Variants in KANK4 observed in about 807,000 individuals in gnomAD.
KANK4 encodes the protein KN motif and ankyrin repeat domain-containing protein 4.
A neutral mutation model predicts 80.8 loss-of-function variants in KANK4; 50 were observed. That is an observed-to-expected ratio of 0.62 (90% CI 0.49 to 0.78). The LOEUF is 0.78. KANK4 is among the 30% of genes least tolerant of loss of function. The probability of loss-of-function intolerance (pLI) is 0.00; values close to 1 mark genes in which losing one functional copy is unlikely to be tolerated. For synonymous variants in KANK4, 465 were observed against 506.9 expected (o/e 0.92, Z 1.11); for missense variants, 1,196 against 1,240.1 (o/e 0.96, Z 0.53).
intron 1 of KANK4, among the ~76,000 whole-genome samples, chr1:62,283,116 G>T (rs559356895): frequency 2.6e-5 from 4 of 152,190 alleles, no homozygotes; most frequent in Non-Finnish European, 5.9e-5. Context: ...TCTGCAGTCT[G>T]CAGCAGGCGA....
intron 3 of KANK4, chr1:62,272,289 G>A (rs1672181761): frequency 6.6e-6 from 1 of 152,424 alleles, no homozygotes; most frequent in South Asian, 2.1e-4. Flanking sequence ...TTCCATATGT[G>A]AGCAGCACTT....
chr1:62,295,840 G>A (rs1434366912), intron 1 of KANK4, among the ~76,000 whole-genome samples: 1 of 152,250 alleles, frequency 6.6e-6, no homozygotes, highest in Non-Finnish European at 1.5e-5. Flanking sequence ...GGTAAAGTGT[G>A]CCAGAGAACT....
intron 1 of KANK4, among the ~76,000 whole-genome samples, chr1:62,303,287 G>A (rs1231414798): frequency 1.3e-5 from 2 of 152,038 alleles, no homozygotes; most frequent in East Asian, 3.9e-4. Context: ...AATCCAGGAT[G>A]GGGCTGACAA....
intron 2 of KANK4, among the ~76,000 whole-genome samples, chr1:62,277,172 G>A (rs1672333999): frequency 6.6e-6 from 1 of 152,224 alleles, no homozygotes; most frequent in African/African-American, 2.4e-5. Flanking sequence ...GATAGGGAGA[G>A]TAACAGATGC....
intron 2 of KANK4, among the ~76,000 whole-genome samples, chr1:62,280,090 A>G (rs963364936): frequency 1.3e-5 from 2 of 152,226 alleles, no homozygotes; most frequent in Admixed American, 1.3e-4. Context: ...TTAGAGTGTG[A>G]AAGAGAAATT....
intron 1 of KANK4, among the ~76,000 whole-genome samples, chr1:62,286,727 T>C (rs1158002126): frequency 6.6e-6 from 1 of 152,204 alleles, no homozygotes; most frequent in South Asian, 2.1e-4. Context: ...ACTTTCTTCC[T>C]GGCTCCGCTT....
At chr1:62,250,565 T>C (rs1254701683) in intron 8 of KANK4, among the ~76,000 whole-genome samples, 1 of 152,148 alleles carries the variant, frequency 6.6e-6, no homozygotes, top group Non-Finnish European at 1.5e-5. Flanking sequence ...CTAAAGGGAA[T>C]GGCTGCAGCT....
At chr1:62,259,257 G>A (rs1671822083) in intron 7 of KANK4, among the ~76,000 whole-genome samples, 1 of 152,104 alleles carries the variant, frequency 6.6e-6, no homozygotes, top group African/African-American at 2.4e-5. Context: ...AATGAAAAGA[G>A]GAATGGGACC....
chr1:62,265,127 G>T (rs548214116), intron 6 of KANK4, among the ~76,000 whole-genome samples: 2 of 152,150 alleles, frequency 1.3e-5, no homozygotes, highest in Admixed American at 6.5e-5. Context: ...CACTGCGACC[G>T]GTCGAGTGGT....
chr1:62,288,628 T>C (rs1393013733), intron 1 of KANK4, among the ~76,000 whole-genome samples: 4 of 152,192 alleles, frequency 2.6e-5, no homozygotes, highest in African/African-American at 9.7e-5. Context: ...TCAGCTATTC[T>C]AAAGATTGAC....
At chr1:62,258,416 T>G (rs1243356269) in intron 7 of KANK4, among the ~76,000 whole-genome samples, 1 of 152,248 alleles carries the variant, frequency 6.6e-6, no homozygotes, top group Non-Finnish European at 1.5e-5. Flanking sequence ...CATGCATCCA[T>G]GAAGAACTGA....
At chr1:62,303,070 A>G (rs976567383) in intron 1 of KANK4, among the ~76,000 whole-genome samples, 1 of 152,126 alleles carries the variant, frequency 6.6e-6, no homozygotes, top group African/African-American at 2.4e-5. Flanking sequence ...AGGTAGGAAG[A>G]GATCAAGAGC....
chr1:62,297,650 T>C (rs1224287648), intron 1 of KANK4, among the ~76,000 whole-genome samples: 2 of 152,234 alleles, frequency 1.3e-5, no homozygotes, highest in Non-Finnish European at 2.9e-5. Context: ...CATCAGGCGA[T>C]TATTAAAATA....
rs371186599 is a variant in KANK4 at position 62,284,460 on chromosome 1, T to TCG, written c.-70-2828_-70-2827dup. On this transcript the variant is annotated intron_variant, in intron 1 of 9. Transcript: ENST00000371153. ...GCCTCCCGAGTAGCTGGGATTACGG[T>TCG]CGCGCGCGCTACCATGCCCAGCTAA... Among the ~76,000 whole-genome samples the TCG allele has an allele frequency of 5.6e-3, 851 of 152,080 alleles. 5 individuals carry two copies. Among genetic ancestry groups the TCG allele is most frequent in the African/African-American group, 0.019 (803 of 41,476 alleles).
chr1:62,287,299 G>T (rs988290089), intron 1 of KANK4, among the ~76,000 whole-genome samples: 3 of 152,180 alleles, frequency 2.0e-5, no homozygotes, highest in Non-Finnish European at 4.4e-5. Flanking sequence ...TCAGTAAAAG[G>T]ATTAGAGGGA....
rs869136022 is a variant in KANK4, at chr1:62,278,394, TTTC to T, written c.16+3152_16+3154del. On this transcript the variant is annotated intron_variant, in intron 2 of 9. Coordinates refer to ENST00000371153, the MANE Select transcript of KANK4 (RefSeq NM_181712.5). ...CTTCCTTCCTTTCTTTCTTTCTTTCTTTCTTTTTTTTTTTTGAGATGGAATTTC... is the reference window on the plus strand; with the variant it reads ...CTTCCTTCCTTTCTTTCTTTCTTTCTTTTTTTTTTTTTGAGATGGAATTTC... 9.3e-5 allele frequency among the ~76,000 whole-genome samples: 3 copies of T among 32,406 alleles called. No individual in the cohort carries two copies. In the South Asian group the frequency reaches 3.3e-3, roughly 36 times the overall value. 21.3% of individuals were successfully genotyped at this position (32,406 alleles called of 152,430 possible).
intron 1 of KANK4, among the ~76,000 whole-genome samples, chr1:62,293,025 G>T (rs1259487634): frequency 6.6e-6 from 1 of 151,742 alleles, no homozygotes; most frequent in Non-Finnish European, 1.5e-5. Flanking sequence ...TCTTAATAGG[G>T]CCCTAGAAAT....
chr1:62,318,556 G>GA (rs1644561325), intron 1 of KANK4, among the ~76,000 whole-genome samples: 1 of 152,254 alleles, frequency 6.6e-6, no homozygotes, highest in Non-Finnish European at 1.5e-5. Flanking sequence ...GGGAGCCCTG[G>GA]AAAGTTCAGC....
At chr1:62,289,794 A>G (rs1672643728) in intron 1 of KANK4, among the ~76,000 whole-genome samples, 1 of 152,186 alleles carries the variant, frequency 6.6e-6, no homozygotes, top group South Asian at 2.1e-4. Flanking sequence ...AGCAATTTTC[A>G]TGATCACCTA....
Sources: allele counts gnomAD v4.1 joint callset (sites outside exome capture counted in the v4.1 genomes callset), GRCh38; gene constraint gnomAD v4.1.1; transcripts MANE v1.5; gene names NCBI Gene and HGNC (gene_info 2026-07-23, HGNC 2026-07-21).